The following STK32B variants were observed in gnomAD, a reference collection of about 807,000 sequenced individuals.
STK32B encodes the protein serine/threonine-protein kinase 32B.
STK32B carries 43 observed loss-of-function variants against 52.6 expected under a neutral mutation model. The observed-to-expected ratio is 0.82, with a 90% CI of 0.64 to 1.05. The LOEUF is 1.05. Ranked by LOEUF, STK32B falls within the 50% of genes least tolerant of loss-of-function variation. The pLI is 0.00. For missense variants in STK32B, 621 were observed against 534.6 expected (o/e 1.16, Z -1.59); for synonymous variants, 238 against 204.3 (o/e 1.17, Z -1.41).
At position 5,051,785 on chromosome 4, in the gene STK32B, C is replaced by G; in HGVS notation, c.-79C>G. 6.5e-7 allele frequency: 1 copy of G among 1,542,192 alleles called. No individual in the cohort carries two copies. The highest frequency in any genetic ancestry group is 8.8e-7 in the Non-Finnish European group (1 of 1,141,632). On this transcript the variant is annotated 5_prime_UTR_variant, in exon 1 of 12. Transcript: ENST00000282908. ...CGGACTGGGCGCGCCCCCGGCATCC[C>G]GCATCTCTGCGCGCGTCCCACATCC...
chr4:5,232,601 C>T (rs1406224748), intron 3 of STK32B, among the ~76,000 whole-genome samples: 2 of 152,224 alleles, frequency 1.3e-5, no homozygotes, highest in Non-Finnish European at 2.9e-5. Flanking sequence ...CACCTGTTCC[C>T]TGGGCCTAGA....
chr4:5,037,909 T>G, the STK32B span, among the ~76,000 whole-genome samples: 26 of 152,268 alleles, frequency 1.7e-4, no homozygotes, highest in South Asian at 8.3e-4. Flanking sequence ...GCACATGTTT[T>G]TTGGGTGAAT....
At chr4:5,136,176 GT>G (rs1238613030) in intron 1 of STK32B, among the ~76,000 whole-genome samples, 1 of 152,194 alleles carries the variant, frequency 6.6e-6, no homozygotes, top group Non-Finnish European at 1.5e-5. Flanking sequence ...GGAGAGCTGG[GT>G]TTTTGTTATC....
chr4:5,163,982 G>GAGAC (rs1327784086), intron 2 of STK32B, among the ~76,000 whole-genome samples: 9 of 152,198 alleles, frequency 5.9e-5, no homozygotes, highest in African/African-American at 2.2e-4. Flanking sequence ...CTGTCCCATG[G>GAGAC]AGACCCGACT....
chr4:5,053,099 C>T (rs1577612302), intron 1 of STK32B, among the ~76,000 whole-genome samples: 1 of 152,224 alleles, frequency 6.6e-6, no homozygotes, highest in African/African-American at 2.4e-5. Context: ...TACTCAGATG[C>T]CTGCCTGGAC....
chr4:5,444,629 C>CG (rs1284917395), intron 6 of STK32B, among the ~76,000 whole-genome samples: 2 of 152,104 alleles, frequency 1.3e-5, no homozygotes, highest in Non-Finnish European at 2.9e-5. Context: ...CTCCTCCCCC[C>CG]GCCTTGGGCA....
intron 4 of STK32B, among the ~76,000 whole-genome samples, chr4:5,391,047 C>T (rs1736567544): frequency 6.6e-6 from 1 of 151,062 alleles, no homozygotes; most frequent in African/African-American, 2.4e-5. Flanking sequence ...CTCACTCTGC[C>T]TCCTAGGTTC....
rs993987639 is a variant in STK32B at position 5,176,485 on chromosome 4, C to A, written c.260+8035C>A. Reference sequence around the variant, plus strand: ...TAAGATGGAGTTTCACTCTTGTCACCCAGGCTGGAGTGCAATGGTGCAATC... The same window carrying A: ...TAAGATGGAGTTTCACTCTTGTCACACAGGCTGGAGTGCAATGGTGCAATC... On this transcript the variant is annotated intron_variant, in intron 3 of 11. Coordinates refer to ENST00000282908, the MANE Select transcript of STK32B (RefSeq NM_018401.3). 2.7e-5 allele frequency among the ~76,000 whole-genome samples: 4 copies of A among 149,656 alleles called. No individual in the cohort carries two copies. In the South Asian group the frequency reaches 6.4e-4, roughly 24 times the overall value.
rs1441133978 is a variant in STK32B, at chr4:5,054,905, G to A, written c.52+2990G>A. On this transcript the variant is annotated intron_variant, in intron 1 of 11. Coordinates refer to ENST00000282908, the MANE Select transcript of STK32B (RefSeq NM_018401.3). ...TGTGCAAGTGGTCATAGCTGTTCAC[G>A]CTCACATGATATATAATAAGCAGAG... Among the ~76,000 whole-genome samples the A allele has an allele frequency of 2.6e-5, 4 of 152,106 alleles. No homozygotes were observed. The East Asian group carries it at 5.8e-4, about 22-fold the overall frequency.
chr4:5,313,385 C>T (rs1278127738), intron 3 of STK32B, among the ~76,000 whole-genome samples: 1 of 151,900 alleles, frequency 6.6e-6, no homozygotes, highest in African/African-American at 2.4e-5. Flanking sequence ...AAGAGGGTAA[C>T]TTTTTCAATT....
At chr4:5,080,004 T>C (rs1712318621) in intron 1 of STK32B, among the ~76,000 whole-genome samples, 1 of 151,956 alleles carries the variant, frequency 6.6e-6, no homozygotes, top group Non-Finnish European at 1.5e-5. Flanking sequence ...GTACAGACTT[T>C]CCCATATAAG....
At chr4:5,364,979 G>A (rs542331131) in intron 4 of STK32B, among the ~76,000 whole-genome samples, 1 of 152,136 alleles carries the variant, frequency 6.6e-6, no homozygotes, top group Non-Finnish European at 1.5e-5. Flanking sequence ...GGGTCCAAGC[G>A]ATTCTCCTGC....
intron 4 of STK32B, among the ~76,000 whole-genome samples, chr4:5,347,688 G>A (rs1297932708): frequency 2.6e-5 from 4 of 152,148 alleles, no homozygotes; most frequent in Admixed American, 2.6e-4. Context: ...GGTGGGAGAT[G>A]ACTGGATCAT....
chr4:5,379,456 G>A (rs982769), intron 4 of STK32B, among the ~76,000 whole-genome samples: 17,615 of 152,084 alleles, frequency 0.12, 2,158 homozygotes, highest in African/African-American at 0.29. Context: ...ACGGTCCATG[G>A]GATTCCCATC....
intron 1 of STK32B, among the ~76,000 whole-genome samples, chr4:5,134,187 G>T (rs1175810931): frequency 1.3e-5 from 2 of 152,140 alleles, no homozygotes; most frequent in African/African-American, 4.8e-5. Flanking sequence ...GATTTTTTTG[G>T]CAAATCTTCC....
chr4:5,043,620 G>T, the STK32B span, among the ~76,000 whole-genome samples: 1 of 152,172 alleles, frequency 6.6e-6, no homozygotes, highest in African/African-American at 2.4e-5. Flanking sequence ...GCTACATGAG[G>T]TTGTCCCAGA....
intron 4 of STK32B, among the ~76,000 whole-genome samples, chr4:5,381,541 G>A (rs1735932551): frequency 6.6e-6 from 1 of 152,232 alleles, no homozygotes; most frequent in African/African-American, 2.4e-5. Flanking sequence ...AGTGTGGCAT[G>A]GAAAATGTGG....
intron 5 of STK32B, among the ~76,000 whole-genome samples, chr4:5,409,744 T>C (rs1711515099): frequency 2.0e-5 from 3 of 152,086 alleles, no homozygotes; most frequent in Non-Finnish European, 4.4e-5. Context: ...GTTGCATTTC[T>C]TGTCACTGGT....
rs74964214 is a variant in STK32B, at chr4:5,329,741, C to T, written c.261-1479C>T. On this transcript the variant is annotated intron_variant, in intron 3 of 11. Transcript: ENST00000282908. ...CTCTGGTAAATTCATGATCTGGGGA[C>T]GCAATAAACAGCCCCCTTCCTTGCC... Among the ~76,000 whole-genome samples the T allele has an allele frequency of 4.1e-3, 627 of 152,232 alleles. 2 individuals carry two copies. The highest frequency in any genetic ancestry group is 0.013 in the African/African-American group (552 of 41,536).
Sources: allele counts gnomAD v4.1 joint callset (sites outside exome capture counted in the v4.1 genomes callset), GRCh38; gene constraint gnomAD v4.1.1; transcripts MANE v1.5; gene names NCBI Gene and HGNC (gene_info 2026-07-23, HGNC 2026-07-21).